ZFTA: variants seen among roughly 807,000 people sequenced by gnomAD.
ZFTA encodes the protein zinc finger translocation-associated protein.
A neutral mutation model predicts 41.8 loss-of-function variants in ZFTA; 35 were observed. That is an observed-to-expected ratio of 0.84 (90% confidence interval 0.64 to 1.11). ZFTA has a LOEUF of 1.11. ZFTA is among the 50% of genes most tolerant of loss of function. ZFTA has a pLI of 0.00. For synonymous variants in ZFTA, 514 were observed against 436.4 expected, an observed-to-expected ratio of 1.18 and a Z score of -2.22; for missense variants, 964 against 989.8, an observed-to-expected ratio of 0.97 and a Z score of 0.35.
At position 63,764,235 on chromosome 11, in the gene ZFTA, G is replaced by C; in HGVS notation, c.1388C>G (p.Pro463Arg). 6.9e-7 allele frequency: 1 copy of C among 1,444,442 alleles called. No homozygotes were observed. Among genetic ancestry groups the C allele is most frequent in the South Asian group, 1.4e-5 (1 of 72,562 alleles). 89.5% of individuals were successfully genotyped at this position (1,444,442 alleles called of 1,614,324 possible). A position where few individuals can be genotyped will look rare whatever the true frequency, so the allele number is the denominator to read the frequency against. The change falls in exon 4 of 5, where the codon CCG (proline) becomes CGG (arginine). Residue 463 changes from proline (P) to arginine (R), a missense_variant. Physicochemically the swap from Pro to Arg is moderately radical, Grantham distance 103 (BLOSUM62 -2). Transcript: ENST00000433688. Reference sequence around the variant, plus strand: ...AGGCCCGCCGAGGCGCGTGGAGCCCGGGTGGCGCCGGCGGATGTGGCGCTC... The same window carrying C: ...AGGCCCGCCGAGGCGCGTGGAGCCCCGGTGGCGCCGGCGGATGTGGCGCTC... ...TIERHIRRRH[P>R]GSTRLGGPVQ...
Position 63,768,494 on chromosome 11 carries a change from T to G in ZFTA, c.129A>C (p.Glu43Asp), listed in dbSNP as rs928648169. 17 of 1,197,944 alleles carry G rather than the reference T, an allele frequency of 1.4e-5. No individual in the cohort carries two copies. In the Middle Eastern group the frequency reaches 1.1e-3, roughly 75 times the overall value. The allele number at this position is 1,197,944 out of a possible 1,614,324, so 74.2% of individuals were successfully genotyped here. ...GGCCCCAGCTCTTACCGCCTTCGTC[T>G]TCCTCTGGCTCCGCGCTGCCGCTCG... ...AGSSGSAEPE[E>D]DEGGQDLQLE... Residue 43 changes from glutamate (E) to aspartate (D), a missense_variant, in exon 1 of 5, where the codon GAA (glutamate) becomes GAC (aspartate). Around this residue, in one of 5 missense-constraint regions of ZFTA, gnomAD observed 111 missense variants for 93.2 expected, o/e 1.19. Coordinates refer to ENST00000433688, the MANE Select transcript of ZFTA (RefSeq NM_001144936.2).
In ZFTA at chr11:63,764,064, T is replaced by C; in HGVS notation, c.1559A>G (p.Glu520Gly). The C allele has an allele frequency of 7.5e-7, 1 of 1,336,854 alleles. No individual in the cohort carries two copies. Among genetic ancestry groups the C allele is most frequent in the Non-Finnish European group, 9.6e-7 (1 of 1,046,456 alleles). The allele number at this position is 1,336,854 out of a possible 1,614,324, so 82.8% of individuals were successfully genotyped here. A position where few individuals can be genotyped will look rare whatever the true frequency, so the allele number is the denominator to read the frequency against. ...SDEGGGDEEEEPEEEEEEWGD... is the reference protein window; with the variant it reads ...SDEGGGDEEEGPEEEEEEWGD... ...CCACTCCTCCTCCTCCTCCTCTGGC[T>C]CCTCCTCCTCGTCCCCTCCCCCCTC... Residue 520 changes from glutamate (E) to glycine (G), a missense_variant, in exon 4 of 5, where the codon GAG becomes GGG. Physicochemically the swap from Glu to Gly is moderately conservative, Grantham distance 98. Around this residue, in one of 5 missense-constraint regions of ZFTA, gnomAD observed 584 missense variants for 523.1 expected, o/e 1.12. Transcript: ENST00000433688.
chr11:63,763,404 G>T lies in ZFTA; in HGVS notation c.*14C>A, dbSNP rs1337600862. The T allele has an allele frequency of 7.8e-7, 1 of 1,281,014 alleles. No homozygotes were observed. Among genetic ancestry groups the T allele is most frequent in the East Asian group, 3.7e-5 (1 of 27,234 alleles). The allele number at this position is 1,281,014 out of a possible 1,614,324, so 79.4% of individuals were successfully genotyped here. A position where few individuals can be genotyped will look rare whatever the true frequency, so the allele number is the denominator to read the frequency against. On this transcript the variant is annotated 3_prime_UTR_variant, in exon 5 of 5. Coordinates refer to ENST00000433688, the MANE Select transcript of ZFTA (RefSeq NM_001144936.2). Reference sequence around the variant, plus strand: ...CCGACCCGACCCGACCTGACCCGGGGGCCCGCTAGGCCGCTACGCCCGACA... The same window carrying T: ...CCGACCCGACCCGACCTGACCCGGGTGCCCGCTAGGCCGCTACGCCCGACA...
chr11:63,764,224 G>A lies in ZFTA; in HGVS notation c.1399C>T (p.Arg467Cys). Residue 467 changes from arginine (R) to cysteine (C), a missense_variant, in exon 4 of 5, where the codon CGC becomes TGC. Around this residue, in one of 5 missense-constraint regions of ZFTA, gnomAD observed 584 missense variants for 523.1 expected, o/e 1.12. Coordinates refer to ENST00000433688, the MANE Select transcript of ZFTA (RefSeq NM_001144936.2). ...AGGGCCTGGACAGGCCCGCCGAGGC[G>A]CGTGGAGCCCGGGTGGCGCCGGCGG... ...HIRRRHPGST[R>C]LGGPVQALIA... The A allele has an allele frequency of 7.0e-7, 1 of 1,429,598 alleles. No homozygotes were observed. Among genetic ancestry groups the A allele is most frequent in the Non-Finnish European group, 9.1e-7 (1 of 1,102,038 alleles). 88.6% of individuals were successfully genotyped at this position (1,429,598 alleles called of 1,614,324 possible).
At position 63,765,856 on chromosome 11, in the gene ZFTA, C is replaced by G. The variant is rs1287700172; in HGVS notation, c.588G>C (p.Glu196Asp). 1 of 1,499,144 alleles carries G rather than the reference C, an allele frequency of 6.7e-7. No individual in the cohort carries two copies. Among genetic ancestry groups the G allele is most frequent in the African/African-American group, 1.4e-5 (1 of 71,510 alleles). 92.9% of individuals were successfully genotyped at this position (1,499,144 alleles called of 1,614,324 possible). A position where few individuals can be genotyped will look rare whatever the true frequency, so the allele number is the denominator to read the frequency against. The change falls in exon 2 of 5, where the codon GAG becomes GAC. Residue 196 changes from glutamate to aspartate, a missense_variant. Physicochemically the swap from Glu to Asp is conservative, Grantham distance 45. Around this residue, in one of 5 missense-constraint regions of ZFTA, gnomAD observed 141 missense variants for 216.7 expected, o/e 0.65. Transcript: ENST00000433688. This position sits in a 1 kb window ranked among gnomAD's most constrained non-coding sequence, Gnocchi z 4.0. ...GGACACCGGCCCCCTCCTCCTCCTC[C>G]TCTTCTTCCTCCTCCTCCTCCTCCT... is the stretch of plus-strand genomic sequence containing the variant. ...GAEEEEEEEEEEEEEGAGVPA... is the reference protein window; with the variant it reads ...GAEEEEEEEEDEEEEGAGVPA...
At chr11:63,768,192 G>T (rs1440120137) in intron 1 of ZFTA, among the ~76,000 whole-genome samples, 3 of 151,798 alleles carry the variant, frequency 2.0e-5, no homozygotes, top group African/African-American at 7.3e-5. Context: ...GCTCCGTGGC[G>T]CCCTGCCCCG....
At chr11:63,764,698 C>T in intron 3 of ZFTA, 100 bp from the exon 4 acceptor site, 1 of 1,327,088 alleles carries the variant, frequency 7.5e-7, no homozygotes, top group Non-Finnish European at 9.6e-7. Flanking sequence ...CAGCCCCAAG[C>T]TAGAGGCCCC....
At position 63,765,438 on chromosome 11, in the gene ZFTA, A is replaced by T. The variant is rs886130152; in HGVS notation, c.638-184T>A. Among the ~76,000 whole-genome samples the T allele has an allele frequency of 6.7e-6, 1 of 149,144 alleles. No homozygotes were observed. The highest frequency in any genetic ancestry group is 2.5e-5 in the African/African-American group (1 of 40,126). On this transcript the variant is annotated intron_variant, in intron 2 of 4. Coordinates refer to ENST00000433688, the MANE Select transcript of ZFTA (RefSeq NM_001144936.2). The surrounding 1 kb of genome is among the most constrained non-coding windows in gnomAD (Gnocchi z 4.0). ...TGCTAGCATTTCAAGCACCACCCAC[A>T]CCTCCCCCAGACTGGAATCTAGCCC...
chr11:63,760,238 C>G lies in ZFTA; in HGVS notation c.*3180G>C, dbSNP rs2014596820. On this transcript the variant is annotated 3_prime_UTR_variant, in exon 5 of 5. Coordinates refer to ENST00000433688, the MANE Select transcript of ZFTA (RefSeq NM_001144936.2). ...GTAAATTACATATAGCCACAATACA[C>G]TTAAATTGAGTCAATCACCGTGGAA... 1 of 152,140 alleles carries G rather than the reference C, an allele frequency of 6.6e-6. No homozygotes were observed. The highest frequency in any genetic ancestry group is 2.4e-5 in the African/African-American group (1 of 41,420). The allele number at this position is 152,140 out of a possible 1,614,324, so 9.4% of individuals were successfully genotyped here.
chr11:63,766,424 G>T (rs1278227454), intron 1 of ZFTA, 120 bp from the exon 2 acceptor site: 16 of 1,146,254 alleles, frequency 1.4e-5, no homozygotes, highest in African/African-American at 1.6e-5. Flanking sequence ...GGGCAGGAAA[G>T]GGACGGCAAC....
Position 63,763,802 on chromosome 11 carries a change from GTCCTCTTCGTCC to G in ZFTA, c.1641_1652del (p.Glu547_Glu550del). 1 of 1,448,782 alleles carries G rather than the reference GTCCTCTTCGTCC, an allele frequency of 6.9e-7. No homozygotes were observed. Among genetic ancestry groups the G allele is most frequent in the Non-Finnish European group, 9.1e-7 (1 of 1,103,424 alleles). The allele number at this position is 1,448,782 out of a possible 1,614,324, so 89.7% of individuals were successfully genotyped here. ...AGGCGAGTCCCCCAGGCTCCTGGCCGTCCTCTTCGTCCTCCTCTTCTTCGGCGGGCCGCTCCA... is the reference window on the plus strand; with the variant it reads ...AGGCGAGTCCCCCAGGCTCCTGGCCGTCCTCTTCTTCGGCGGGCCGCTCCA... On this transcript the variant is annotated inframe_deletion, in exon 5 of 5. Transcript: ENST00000433688.
Position 63,764,089 on chromosome 11 carries a change from C to A in ZFTA, c.1534G>T (p.Glu512Ter). The A allele has an allele frequency of 7.4e-7, 1 of 1,344,602 alleles. No individual in the cohort carries two copies. 83.3% of individuals were successfully genotyped at this position (1,344,602 alleles called of 1,614,324 possible). The change falls in exon 4 of 5, where the codon GAG (glutamate) becomes TAG (stop). Residue 512 changes from glutamate (E) to a stop codon, truncating the protein, a stop_gained. Coordinates refer to ENST00000433688, the MANE Select transcript of ZFTA (RefSeq NM_001144936.2). LOFTEE classifies it high-confidence loss of function. ...IPPGTAAASD[E>*]GGGDEEEEPE... ...TCCTCCTCCTCGTCCCCTCCCCCCTCGTCGGAGGCTGCGGCAGTGCCGGGG... is the reference window on the plus strand; with the variant it reads ...TCCTCCTCCTCGTCCCCTCCCCCCTAGTCGGAGGCTGCGGCAGTGCCGGGG...
rs1445433480 is a variant in ZFTA at position 63,760,184 on chromosome 11, A to G, written c.*3234T>C. On this transcript the variant is annotated 3_prime_UTR_variant, in exon 5 of 5. Transcript: ENST00000433688. ...GTTCAGCCTCACACCAGCCTGGGAG[A>G]TTTTCCCACCTGCAACGCAAAGCAG... The G allele has an allele frequency of 6.6e-6, 1 of 152,120 alleles. No homozygotes were observed. Among genetic ancestry groups the G allele is most frequent in the East Asian group, 1.9e-4 (1 of 5,194 alleles). 9.4% of individuals were successfully genotyped at this position (152,120 alleles called of 1,614,324 possible). A position where few individuals can be genotyped will look rare whatever the true frequency, so the allele number is the denominator to read the frequency against.
At position 63,763,695 on chromosome 11, in the gene ZFTA, C is replaced by A; in HGVS notation, c.1760G>T (p.Gly587Val). 6.5e-7 allele frequency: 1 copy of A among 1,527,254 alleles called. No individual in the cohort carries two copies. The allele number at this position is 1,527,254 out of a possible 1,614,324, so 94.6% of individuals were successfully genotyped here. A position where few individuals can be genotyped will look rare whatever the true frequency, so the allele number is the denominator to read the frequency against. ...QRRNYQPRWR[G>V]EYLMDYDGSR... Reference sequence around the variant, plus strand: ...GCCGTCGTAGTCCATCAGGTACTCGCCCCGCCACCGCGGCTGGTAGTTCCG... The same window carrying A: ...GCCGTCGTAGTCCATCAGGTACTCGACCCGCCACCGCGGCTGGTAGTTCCG... Residue 587 changes from glycine (G) to valine (V), a missense_variant, in exon 5 of 5, where the codon GGC becomes GTC. This residue lies in a region of ZFTA where 63 missense variants were observed against 97.8 expected (regional missense o/e 0.64). Coordinates refer to ENST00000433688, the MANE Select transcript of ZFTA (RefSeq NM_001144936.2).
chr11:63,766,684 T>A (rs1341170869), intron 1 of ZFTA, among the ~76,000 whole-genome samples: 2 of 151,970 alleles, frequency 1.3e-5, no homozygotes, highest in Non-Finnish European at 2.9e-5. Context: ...GAGCAGGCAG[T>A]GGGGCCAGAC....
chr11:63,766,445 G>GGGATGGCAGCAATAAAAA, intron 1 of ZFTA, 141 bp from the exon 2 acceptor site: 2 of 1,180,694 alleles, frequency 1.7e-6, no homozygotes, highest in Non-Finnish European at 2.2e-6. Flanking sequence ...AGCAATAAAA[G>GGGATGGCAGCAATAAAAA]GGATGGTAGA....
chr11:63,765,301 C>T lies in ZFTA; in HGVS notation c.638-47G>A. 2 of 1,418,850 alleles carry T rather than the reference C, an allele frequency of 1.4e-6. No homozygotes were observed. The highest frequency in any genetic ancestry group is 1.8e-6 in the Non-Finnish European group (2 of 1,093,584). The allele number at this position is 1,418,850 out of a possible 1,614,324, so 87.9% of individuals were successfully genotyped here. The stretch of plus-strand genomic sequence containing the variant: ...AACTGAGACGCTGGCCCCACGGGAG[C>T]ATACCCACTACAGCCAGGTCTCCCA... On this transcript the variant is annotated intron_variant, in intron 2 of 4. Transcript: ENST00000433688. The surrounding 1 kb of genome is among the most constrained non-coding windows in gnomAD (Gnocchi z 4.0).
At position 63,763,443 on chromosome 11, in the gene ZFTA, T is replaced by C; in HGVS notation, c.2012A>G (p.Lys671Arg). Residue 671 changes from lysine (K) to arginine (R), a missense_variant, in exon 5 of 5, where the codon AAG (lysine) becomes AGG (arginine). Transcript: ENST00000433688. ...PAPRDGGADLKSGAVCRA is the reference protein window; with the variant it reads ...PAPRDGGADLRSGAVCRA Reference sequence around the variant, plus strand: ...CTACGCCCGACACACAGCGCCAGACTTGAGGTCCGCGCCGCCGTCACGCGG... The same window carrying C: ...CTACGCCCGACACACAGCGCCAGACCTGAGGTCCGCGCCGCCGTCACGCGG... The C allele has an allele frequency of 7.1e-7, 1 of 1,403,442 alleles. No individual in the cohort carries two copies. The highest frequency in any genetic ancestry group is 9.3e-7 in the Non-Finnish European group (1 of 1,079,434). The allele number at this position is 1,403,442 out of a possible 1,614,324, so 86.9% of individuals were successfully genotyped here.
Position 63,764,466 on chromosome 11 carries a change from C to T in ZFTA, c.1157G>A (p.Gly386Glu). ...CAGCTCCTCCTCCTCCTCTGCGGGCCCGGGCCTCTCAGGGACCCAGCCAGC... is the reference window on the plus strand; with the variant it reads ...CAGCTCCTCCTCCTCCTCTGCGGGCTCGGGCCTCTCAGGGACCCAGCCAGC... Reference protein sequence around the residue: ...EEAGWVPERPGPAEEEEELEE... With the variant: ...EEAGWVPERPEPAEEEEELEE... Residue 386 changes from glycine (G) to glutamate (E), a missense_variant, in exon 4 of 5, where the codon GGG becomes GAG. Coordinates refer to ENST00000433688, the MANE Select transcript of ZFTA (RefSeq NM_001144936.2). The T allele has an allele frequency of 7.9e-6, 10 of 1,264,216 alleles. No homozygotes were observed. The highest frequency in any genetic ancestry group is 9.0e-6 in the Non-Finnish European group (9 of 1,001,372). The allele number at this position is 1,264,216 out of a possible 1,614,324, so 78.3% of individuals were successfully genotyped here.
Sources: gnomAD v4.1 joint callset for allele counts (sites outside exome capture counted in the v4.1 genomes callset) on GRCh38, gnomAD v4.1.1 for gene constraint, gnomAD v4.1.1 regional missense constraint, Gnocchi (gnomAD v3.1) non-coding constraint, MANE v1.5 for transcripts, NCBI Gene and HGNC (gene_info 2026-07-23, HGNC 2026-07-21) for gene names.